Variants in WHRN observed in about 807,000 individuals in gnomAD.
The protein encoded by WHRN is CASK-interacting protein CIP98.
In WHRN, 41 loss-of-function variants were observed where a neutral mutation model predicts 68.3. The ratio of observed to expected loss-of-function variants is 0.60; its 90% CI spans 0.47 to 0.78. The LOEUF (loss-of-function observed/expected upper bound fraction) is 0.78, where lower values mean the gene tolerates loss of function less well. WHRN is among the 30% of genes least tolerant of loss of function. The pLI, the probability that WHRN is intolerant of heterozygous loss-of-function variation, is 0.00. For missense variants in WHRN, 1,243 were observed against 1,244.7 expected (o/e 1.00, Z 0.02); for synonymous variants, 560 against 561.3 (o/e 1.00, Z 0.03).
chr9:114,460,269 C>G (rs796584908), intron 3 of WHRN, among the ~76,000 whole-genome samples: 35 of 152,356 alleles, frequency 2.3e-4, no homozygotes, highest in African/African-American at 8.4e-4. Flanking sequence ...AGGCCAGGTA[C>G]TAGATCCCTG....
At chr9:114,499,344 G>A (rs960835101) in intron 1 of WHRN, among the ~76,000 whole-genome samples, 1 of 152,186 alleles carries the variant, frequency 6.6e-6, no homozygotes, top group Non-Finnish European at 1.5e-5. Flanking sequence ...GTCTGCGTGA[G>A]TTCAGAGTTA....
At chr9:114,437,949 G>A (rs993292826) in intron 3 of WHRN, among the ~76,000 whole-genome samples, 2 of 152,146 alleles carry the variant, frequency 1.3e-5, no homozygotes, top group Non-Finnish European at 2.9e-5. Context: ...GATAATAAAA[G>A]ACATGAACAA....
intron 9 of WHRN, 50 bp from the exon 10 acceptor site, chr9:114,404,127 G>A (rs1287795521): frequency 1.3e-6 from 2 of 1,583,248 alleles, no homozygotes; most frequent in African/African-American, 2.7e-5. Flanking sequence ...CTGGGGTCAG[G>A]GAGGGCTGCC....
At chr9:114,454,298 G>C (rs890381843) in intron 3 of WHRN, among the ~76,000 whole-genome samples, 2 of 151,404 alleles carry the variant, frequency 1.3e-5, no homozygotes, top group African/African-American at 2.4e-5. Flanking sequence ...AAGGCATACA[G>C]ATCCAAAAAG....
rs148103230 is a variant in WHRN, at chr9:114,425,586, GACAC to G, written c.1167-566_1167-563del. 4.2e-3 allele frequency: 650 copies of G among 154,182 alleles called. 4 individuals carry two copies. Among genetic ancestry groups the G allele is most frequent in the African/African-American group, 0.013 (483 of 36,648 alleles). 9.6% of individuals were successfully genotyped at this position (154,182 alleles called of 1,614,324 possible). Reference sequence around the variant, plus strand: ...GCAGGTGAAAGGAAGGGAAGGGGGAGACACACACACACACACACACACACACACA... The same window carrying G: ...GCAGGTGAAAGGAAGGGAAGGGGGAGACACACACACACACACACACACACA... On this transcript the variant is annotated intron_variant, in intron 4 of 11. Transcript: ENST00000362057.
intron 3 of WHRN, among the ~76,000 whole-genome samples, chr9:114,461,645 TG>T (rs1271872979): frequency 7.2e-5 from 11 of 152,228 alleles, no homozygotes; most frequent in Non-Finnish European, 1.5e-4. Context: ...TTCAGGGACT[TG>T]GCATTTGCTG....
chr9:114,417,363 C>T (rs1835890512), intron 7 of WHRN, among the ~76,000 whole-genome samples: 1 of 152,190 alleles, frequency 6.6e-6, no homozygotes. Flanking sequence ...TGTCATCTTG[C>T]CCAACTGAAC....
At chr9:114,496,780 A>C (rs1843497415) in intron 1 of WHRN, among the ~76,000 whole-genome samples, 2 of 152,232 alleles carry the variant, frequency 1.3e-5, no homozygotes, top group Non-Finnish European at 2.9e-5. Flanking sequence ...GCCAAGTTAC[A>C]CTGTCAGATG....
At chr9:114,493,660 A>G (rs1317807992) in intron 1 of WHRN, among the ~76,000 whole-genome samples, 1 of 152,250 alleles carries the variant, frequency 6.6e-6, no homozygotes, top group African/African-American at 2.4e-5. Flanking sequence ...CAGACAACGT[A>G]CAAAATAAAA....
At chr9:114,417,019 AATAAC>A (rs1300039513) in intron 7 of WHRN, among the ~76,000 whole-genome samples, 1 of 152,250 alleles carries the variant, frequency 6.6e-6, no homozygotes, top group Non-Finnish European at 1.5e-5. Flanking sequence ...GAATTCAAGA[AATAAC>A]AGGCAGGCCT....
chr9:114,444,424 T>C (rs906102454), intron 3 of WHRN, among the ~76,000 whole-genome samples: 1 of 152,128 alleles, frequency 6.6e-6, no homozygotes, highest in African/African-American at 2.4e-5. Context: ...AAAAATGATA[T>C]ATAATATTTA....
intron 3 of WHRN, among the ~76,000 whole-genome samples, chr9:114,461,726 A>T (rs757319658): frequency 6.6e-5 from 10 of 152,166 alleles, no homozygotes; most frequent in Non-Finnish European, 1.5e-4. Context: ...ATTTCAACCG[A>T]AATGCTTCCT....
At chr9:114,417,385 G>C (rs554498745) in intron 7 of WHRN, among the ~76,000 whole-genome samples, 1 of 152,208 alleles carries the variant, frequency 6.6e-6, no homozygotes, top group African/African-American at 2.4e-5. Context: ...CTAGAACAAA[G>C]AACATTTTCC....
chr9:114,433,558 A>G (rs969094889), intron 3 of WHRN, among the ~76,000 whole-genome samples: 2 of 152,252 alleles, frequency 1.3e-5, no homozygotes, highest in Non-Finnish European at 2.9e-5. Flanking sequence ...AATCTTTAAT[A>G]GTTTTCCATG....
chr9:114,447,087 G>A (rs1838887757), intron 3 of WHRN, among the ~76,000 whole-genome samples: 3 of 152,058 alleles, frequency 2.0e-5, no homozygotes, highest in Admixed American at 6.6e-5. Context: ...TCTTCACAGG[G>A]GCAAAAATCA....
chr9:114,481,051 G>A (rs568970068), intron 1 of WHRN, among the ~76,000 whole-genome samples: 1 of 152,116 alleles, frequency 6.6e-6, no homozygotes, highest in Non-Finnish European at 1.5e-5. Flanking sequence ...GAAGGGGGGT[G>A]AACACTTAGC....
intron 3 of WHRN, among the ~76,000 whole-genome samples, chr9:114,437,974 A>T (rs189634865): frequency 7.2e-5 from 11 of 152,374 alleles, no homozygotes; most frequent in Admixed American, 3.9e-4. Flanking sequence ...CAAAGAAGAC[A>T]TTATAAATGG....
chr9:114,504,089 T>G, intron 1 of WHRN, 95 bp downstream of exon 1: 3 of 1,561,146 alleles, frequency 1.9e-6, no homozygotes, highest in South Asian at 2.3e-5. Flanking sequence ...AAAGGCCAAG[T>G]GATTCATCTA....
chr9:114,438,480 T>A (rs1210468250), intron 3 of WHRN, among the ~76,000 whole-genome samples: 6 of 136,728 alleles, frequency 4.4e-5, no homozygotes, highest in Non-Finnish European at 7.8e-5. Context: ...TGAGACAGAG[T>A]CTCACTCTGT....
Sources: allele counts gnomAD v4.1 joint callset (sites outside exome capture counted in the v4.1 genomes callset), GRCh38; gene constraint gnomAD v4.1.1; transcripts MANE v1.5; gene names NCBI Gene and HGNC (gene_info 2026-07-23, HGNC 2026-07-21).